SYNDIG1: variants seen among roughly 807,000 people sequenced by gnomAD.
SYNDIG1 encodes the protein synapse differentiation-inducing gene protein 1.
In SYNDIG1, 9 loss-of-function variants were observed where a neutral mutation model predicts 19.4. That is an observed-to-expected ratio of 0.46 (90% CI 0.28 to 0.81). SYNDIG1 has a LOEUF of 0.81. SYNDIG1 is among the 30% of genes least tolerant of loss of function. SYNDIG1 has a pLI of 0.12. For synonymous variants in SYNDIG1, 141 were observed against 145.9 expected, an observed-to-expected ratio of 0.97 and a Z score of 0.24; for missense variants, 311 against 343.3, an observed-to-expected ratio of 0.91 and a Z score of 0.74.
At chr20:24,516,556 C>A (rs1028869146) in intron 1 of SYNDIG1, among the ~76,000 whole-genome samples, 1 of 152,160 alleles carries the variant, frequency 6.6e-6, no homozygotes, top group African/African-American at 2.4e-5. Context: ...AGCCAACAGA[C>A]ACATGAAAAA....
chr20:24,493,956 AGACCCAGCCCTG>A (rs2056227401), intron 1 of SYNDIG1, among the ~76,000 whole-genome samples: 1 of 152,214 alleles, frequency 6.6e-6, no homozygotes, highest in Non-Finnish European at 1.5e-5. Context: ...CCAGAGGAGG[AGACCCAGCCCTG>A]GAAGCTGGGG....
chr20:24,470,448 C>T (rs2055395580), intron 1 of SYNDIG1, among the ~76,000 whole-genome samples: 1 of 152,210 alleles, frequency 6.6e-6, no homozygotes. Flanking sequence ...CCCTGGCAGC[C>T]GCGACAGCCT....
chr20:24,645,887 A>G (rs191365398), intron 3 of SYNDIG1, among the ~76,000 whole-genome samples: 2 of 152,296 alleles, frequency 1.3e-5, no homozygotes, highest in East Asian at 3.9e-4. Flanking sequence ...TAGAGAGAAC[A>G]CCTGGTGCTG....
intron 3 of SYNDIG1, among the ~76,000 whole-genome samples, chr20:24,638,855 G>A (rs1262170600): frequency 6.6e-6 from 1 of 152,236 alleles, no homozygotes; most frequent in Non-Finnish European, 1.5e-5. Context: ...CAGGCTCAGA[G>A]AGTGAGCACA....
intron 2 of SYNDIG1, among the ~76,000 whole-genome samples, chr20:24,548,613 C>T (rs540653359): frequency 6.6e-6 from 1 of 152,304 alleles, no homozygotes; most frequent in Admixed American, 6.5e-5. Context: ...AAATAATAAA[C>T]AGCATTTTGA....
At chr20:24,569,861 C>T (rs1012906612) in intron 2 of SYNDIG1, among the ~76,000 whole-genome samples, 1 of 151,950 alleles carries the variant, frequency 6.6e-6, no homozygotes, top group African/African-American at 2.4e-5. Context: ...AAAGTTGGTG[C>T]GGTAAAGATG....
Position 24,499,968 on chromosome 20 carries a change from C to A in SYNDIG1, c.-79+30215C>A, listed in dbSNP as rs6036825. Among the ~76,000 whole-genome samples the A allele has an allele frequency of 2.5e-3, 375 of 152,290 alleles. 7 individuals carry two copies. The highest frequency in any genetic ancestry group is 8.7e-3 in the African/African-American group (360 of 41,548). The stretch of plus-strand genomic sequence containing the variant: ...ATAGCTACACTGAGAAGTGCCATCA[C>A]TGCTCACTCCGTACCCACTCATCTC... On this transcript the variant is annotated intron_variant, in intron 1 of 3. Transcript: ENST00000376862.
chr20:24,525,286 CTTTTTTTT>C (rs11471122), intron 1 of SYNDIG1, among the ~76,000 whole-genome samples: 1 of 106,554 alleles, frequency 9.4e-6, no homozygotes, highest in African/African-American at 3.6e-5. Context: ...TCTTCTTCTT[CTTTTTTTT>C]TTTTTTTTTT....
At chr20:24,598,051 A>G (rs758915739) in intron 3 of SYNDIG1, among the ~76,000 whole-genome samples, 3 of 152,196 alleles carry the variant, frequency 2.0e-5, no homozygotes, top group Non-Finnish European at 4.4e-5. Context: ...GAGGGTAATA[A>G]CATTCTCACC....
At chr20:24,604,713 C>T (rs1202196523) in intron 3 of SYNDIG1, among the ~76,000 whole-genome samples, 1 of 152,190 alleles carries the variant, frequency 6.6e-6, no homozygotes, top group Non-Finnish European at 1.5e-5. Context: ...TGGGGCTGCT[C>T]TGCCTGTGGA....
intron 2 of SYNDIG1, among the ~76,000 whole-genome samples, chr20:24,556,465 A>T (rs1296749895): frequency 5.9e-5 from 9 of 152,150 alleles, no homozygotes; most frequent in Admixed American, 5.9e-4. Context: ...TTCCATGTTT[A>T]GTGCTTCCTT....
At position 24,543,521 on chromosome 20, in the gene SYNDIG1, A is replaced by G. The variant is rs2057512222; in HGVS notation, c.424A>G (p.Lys142Glu). 6.2e-7 allele frequency: 1 copy of G among 1,608,894 alleles called. No individual in the cohort carries two copies. Among genetic ancestry groups the G allele is most frequent in the Non-Finnish European group, 8.5e-7 (1 of 1,179,980 alleles). The change falls in exon 2 of 4, where the codon AAA becomes GAA. Residue 142 changes from lysine (K) to glutamate (E), a missense_variant. Physicochemically the swap from Lys to Glu is moderately conservative, Grantham distance 56. Transcript: ENST00000376862. The stretch of plus-strand genomic sequence containing the variant: ...CATTGACCTCTCAGCTGATGACATA[A>G]AAATCCACACCCTGTCCTACGATGT... ...KFIDLSADDIKIHTLSYDVEE... is the reference protein window; with the variant it reads ...KFIDLSADDIEIHTLSYDVEE...
At chr20:24,545,984 A>G (rs906286599) in intron 2 of SYNDIG1, among the ~76,000 whole-genome samples, 10 of 152,204 alleles carry the variant, frequency 6.6e-5, no homozygotes, top group African/African-American at 2.2e-4. Context: ...TCGGCTTCCA[A>G]GGAGCTCACC....
At chr20:24,548,409 A>G (rs1488912181) in intron 2 of SYNDIG1, among the ~76,000 whole-genome samples, 2 of 152,236 alleles carry the variant, frequency 1.3e-5, no homozygotes, top group Admixed American at 6.5e-5. Flanking sequence ...CTGTCTTCCC[A>G]TGTAAAAACT....
intron 3 of SYNDIG1, among the ~76,000 whole-genome samples, chr20:24,618,087 AG>A (rs1472287347): frequency 7.9e-5 from 3 of 37,878 alleles, no homozygotes; most frequent in Admixed American, 3.6e-4. Context: ...GAGCTCGGGT[AG>A]GGGGGAACCC....
At chr20:24,500,492 TTCTTTCTTTCTTTC>T (rs1442859408) in intron 1 of SYNDIG1, among the ~76,000 whole-genome samples, 1 of 132,540 alleles carries the variant, frequency 7.5e-6, no homozygotes, top group Non-Finnish European at 1.6e-5. Context: ...CTTTCTTTCT[TTCTTTCTTTCTTTC>T]TTTCTTTCTT....
chr20:24,491,409 G>A (rs1209491634), intron 1 of SYNDIG1: 1 of 152,306 alleles, frequency 6.6e-6, no homozygotes, highest in East Asian at 1.9e-4. Flanking sequence ...GACAGGTGCA[G>A]AAGATGAAAG....
intron 2 of SYNDIG1, among the ~76,000 whole-genome samples, chr20:24,551,494 T>C (rs2057705571): frequency 6.6e-6 from 1 of 152,120 alleles, no homozygotes; most frequent in African/African-American, 2.4e-5. Context: ...AATTTTTTAC[T>C]CAGATATTTA....
At chr20:24,576,643 A>G (rs1364353260) in intron 2 of SYNDIG1, among the ~76,000 whole-genome samples, 2 of 152,184 alleles carry the variant, frequency 1.3e-5, no homozygotes, top group South Asian at 4.1e-4. Flanking sequence ...AGTCACAGAC[A>G]TGAACTCTAC....
Sources: allele counts gnomAD v4.1 joint callset (sites outside exome capture counted in the v4.1 genomes callset), GRCh38; gene constraint gnomAD v4.1.1; transcripts MANE v1.5; gene names NCBI Gene and HGNC (gene_info 2026-07-23, HGNC 2026-07-21).